EGFL7: variants seen among roughly 807,000 people sequenced by gnomAD.
EGFL7 encodes epidermal growth factor-like protein 7.
A neutral mutation model predicts 37.1 loss-of-function variants in EGFL7; 48 were observed. The ratio of observed to expected loss-of-function variants is 1.29; its 90% CI spans 1.03 to 1.65. The LOEUF (loss-of-function observed/expected upper bound fraction) is 1.65, where lower values mean the gene tolerates loss of function less well. EGFL7 is among the 40% of genes most tolerant of loss of function. The probability of loss-of-function intolerance (pLI) is 0.00; values close to 1 mark genes in which losing one functional copy is unlikely to be tolerated. For missense variants in EGFL7, 384 were observed against 378.9 expected (o/e 1.01, Z -0.11); for synonymous variants, 180 against 156.8 (o/e 1.15, Z -1.10).
At chr9:136,662,126 C>T (rs1053280249), upstream of EGFL7, among the ~76,000 whole-genome samples, 3 of 152,188 alleles carry the variant, frequency 2.0e-5, no homozygotes, top group African/African-American at 7.2e-5. Flanking sequence ...CAGAGCACCC[C>T]CTGTGATCAC....
Position 136,672,593 on chromosome 9 carries a change from T to G in EGFL7, c.*307T>G, listed in dbSNP as rs370147455. 1,289 of 533,802 alleles carry G rather than the reference T, an allele frequency of 2.4e-3. 15 individuals carry two copies. The highest frequency in any genetic ancestry group is 0.023 in the African/African-American group (1,218 of 52,850). 33.1% of individuals were successfully genotyped at this position (533,802 alleles called of 1,614,324 possible). A position where few individuals can be genotyped will look rare whatever the true frequency, so the allele number is the denominator to read the frequency against. On this transcript the variant is annotated 3_prime_UTR_variant, in exon 11 of 11. Coordinates refer to ENST00000308874, the MANE Select transcript of EGFL7 (RefSeq NM_016215.5). ...GCTCCCTGCTGGAGCCTGGGACCCA[T>G]GGCACAGGCCAGGCAGCCCGGAGGC... is the stretch of plus-strand genomic sequence containing the variant.
rs761701977 is a variant in EGFL7 at position 136,668,404 on chromosome 9, C to T, written c.80+42C>T. ...CCTGGGAGTGCTGGGGTGGGGGGACCGGGAGCCCTCAGCACCTCCTAGAGG... is the reference window on the plus strand; with the variant it reads ...CCTGGGAGTGCTGGGGTGGGGGGACTGGGAGCCCTCAGCACCTCCTAGAGG... On this transcript the variant is annotated intron_variant, in intron 4 of 10. Coordinates refer to ENST00000308874, the MANE Select transcript of EGFL7 (RefSeq NM_016215.5). 74 of 1,537,726 alleles carry T rather than the reference C, an allele frequency of 4.8e-5. No individual in the cohort carries two copies. The South Asian group carries it at 4.9e-4, about 10-fold the overall frequency.
intron 3 of EGFL7, among the ~76,000 whole-genome samples, chr9:136,665,560 C>G (rs1845406484): frequency 6.6e-6 from 1 of 152,174 alleles, no homozygotes; most frequent in Non-Finnish European, 1.5e-5. Context: ...GACTCGGGCC[C>G]CAGGATTCCC....
At chr9:136,670,854 T>G in intron 8 of EGFL7, 96 bp from the exon 9 acceptor site, 3 of 1,199,846 alleles carry the variant, frequency 2.5e-6, no homozygotes, top group Non-Finnish European at 3.6e-6. Context: ...TGGGCCTGAG[T>G]CTTCTGGCTC....
chr9:136,667,487 G>C (rs3793658), intron 3 of EGFL7, among the ~76,000 whole-genome samples: 2 of 152,172 alleles, frequency 1.3e-5, no homozygotes, highest in African/African-American at 4.8e-5. Context: ...AGCCTCACCC[G>C]GGCCCCTGGC....
intron 3 of EGFL7, among the ~76,000 whole-genome samples, chr9:136,667,953 C>G (rs899465358): frequency 6.6e-6 from 1 of 152,194 alleles, no homozygotes; most frequent in Non-Finnish European, 1.5e-5. Context: ...CCCGGAGCCT[C>G]GGGCAGATGC....
chr9:136,659,307 A>T (rs1169377385), upstream of EGFL7: 3 of 152,334 alleles, frequency 2.0e-5, no homozygotes, highest in East Asian at 5.8e-4. Flanking sequence ...GGAAGGTTCC[A>T]CCACATCCGT....
In EGFL7 at chr9:136,671,025, G is replaced by GGC. The variant is rs2119148674; in HGVS notation, c.636+12_636+13insCG. The GGC allele has an allele frequency of 1.8e-6, 1 of 566,682 alleles. No homozygotes were observed. The highest frequency in any genetic ancestry group is 2.4e-6 in the Non-Finnish European group (1 of 411,234). The allele number at this position is 566,682 out of a possible 1,614,324, so 35.1% of individuals were successfully genotyped here. On this transcript the variant is annotated intron_variant, in intron 9 of 10. Coordinates refer to ENST00000308874, the MANE Select transcript of EGFL7 (RefSeq NM_016215.5). ...GACCTGCTGGAGGAGGTGAGGCATT[G>GGC]GTGGGGGGGGGGGGGGGCAGGCAGT...
chr9:136,665,104 T>A (rs1418882083), intron 3 of EGFL7, among the ~76,000 whole-genome samples: 4 of 152,328 alleles, frequency 2.6e-5, no homozygotes, highest in Admixed American at 6.5e-5. Flanking sequence ...GGGAGGAGTG[T>A]TCTGCGATGG....
In EGFL7 at chr9:136,668,066, G is replaced by C. The variant is rs373045559; in HGVS notation, c.-42-175G>C. Among the ~76,000 whole-genome samples the C allele has an allele frequency of 5.6e-3, 856 of 152,334 alleles. 4 individuals are homozygous for C. Among genetic ancestry groups the C allele is most frequent in the African/African-American group, 0.019 (809 of 41,576 alleles). ...AGCTGTTTGTGCCTGGCGAGGGTCT[G>C]GCTAGCTGGAAGAGGGGGCCAGCGG... is the stretch of plus-strand genomic sequence containing the variant. On this transcript the variant is annotated intron_variant, in intron 3 of 10. Transcript: ENST00000308874.
chr9:136,670,632 A>T (rs1424556578), intron 8 of EGFL7: 1 of 770,910 alleles, frequency 1.3e-6, no homozygotes, highest in Admixed American at 1.7e-5. Context: ...TACTTTTGGT[A>T]CGCGCTGTGA....
rs1459633290 is a variant in EGFL7 at position 136,666,744 on chromosome 9, T to C, written c.-42-1497T>C. ...AGCCGCCGGGCCGCTGCCCTACCTC[T>C]TCCTTCCCGGGTCCCACTCCCCAAT... On this transcript the variant is annotated intron_variant, in intron 3 of 10. Transcript: ENST00000308874. The surrounding 1 kb of genome is among the most constrained non-coding windows in gnomAD (Gnocchi z 6.8). Among the ~76,000 whole-genome samples, 2 of 151,906 alleles carry C rather than the reference T, an allele frequency of 1.3e-5. No individual in the cohort carries two copies. Among genetic ancestry groups the C allele is most frequent in the African/African-American group, 2.4e-5 (1 of 41,328 alleles).
At position 136,670,165 on chromosome 9, in the gene EGFL7, G is replaced by GT; in HGVS notation, c.410-4_410-3insT. The stretch of plus-strand genomic sequence containing the variant: ...ATGGCCGCCTGACACCCCGTTTCCT[G>GT]CAGATGTGGATGAATGCAGTGCTAG... On this transcript the variant is annotated splice_region_variant and splice_polypyrimidine_tract_variant and intron_variant, in intron 7 of 10. Coordinates refer to ENST00000308874, the MANE Select transcript of EGFL7 (RefSeq NM_016215.5). 2 of 1,612,712 alleles carry GT rather than the reference G, an allele frequency of 1.2e-6. No individual in the cohort carries two copies. Among genetic ancestry groups the GT allele is most frequent in the African/African-American group, 1.3e-5 (1 of 75,032 alleles).
At chr9:136,671,181 TCGGGGGGG>T (rs1845853379) in intron 9 of EGFL7, among the ~76,000 whole-genome samples, 167 bp downstream of exon 9, 1 of 61,700 alleles carries the variant, frequency 1.6e-5, no homozygotes, top group Non-Finnish European at 3.0e-5. Context: ...AGGTGAGGCG[TCGGGGGGG>T]CAGGCAGTCC....
chr9:136,666,294 G>C lies in EGFL7; in HGVS notation c.-43+1509G>C, dbSNP rs966861587. Among the ~76,000 whole-genome samples the C allele has an allele frequency of 4.0e-5, 6 of 151,746 alleles. No individual in the cohort carries two copies. Among genetic ancestry groups the C allele is most frequent in the Non-Finnish European group, 7.4e-5 (5 of 67,852 alleles). Reference sequence around the variant, plus strand: ...TCCCCAGCCCTGCTCCCGCCGCGAGGGGTCCGCCAGTGCCTGCGGCGCAGC... The same window carrying C: ...TCCCCAGCCCTGCTCCCGCCGCGAGCGGTCCGCCAGTGCCTGCGGCGCAGC... On this transcript the variant is annotated intron_variant, in intron 3 of 10. Coordinates refer to ENST00000308874, the MANE Select transcript of EGFL7 (RefSeq NM_016215.5). The surrounding 1 kb of genome is among the most constrained non-coding windows in gnomAD (Gnocchi z 6.8).
upstream of EGFL7, among the ~76,000 whole-genome samples, chr9:136,662,317 G>A (rs908448611): frequency 6.6e-6 from 1 of 152,124 alleles, no homozygotes; most frequent in Non-Finnish European, 1.5e-5. Flanking sequence ...GTCCCCTCCC[G>A]TCACCCCCTC....
rs1305265077 is a variant in EGFL7, at chr9:136,666,495, C to T, written c.-43+1710C>T. On this transcript the variant is annotated intron_variant, in intron 3 of 10. Transcript: ENST00000308874. This position sits in a 1 kb window ranked among gnomAD's most constrained non-coding sequence, Gnocchi z 6.8. The stretch of plus-strand genomic sequence containing the variant: ...CCTGGGTCGAGGCCGTGGCCCCCCC[C>T]GGGGAAATGGGGCTTGCAGCACCGG... 6.6e-6 allele frequency among the ~76,000 whole-genome samples: 1 copy of T among 152,256 alleles called. No individual in the cohort carries two copies. The highest frequency in any genetic ancestry group is 2.1e-4 in the South Asian group (1 of 4,828).
At position 136,668,663 on chromosome 9, in the gene EGFL7, A is replaced by T; in HGVS notation, c.187A>T (p.Ser63Cys). 2 of 1,602,312 alleles carry T rather than the reference A, an allele frequency of 1.2e-6. No homozygotes were observed. The highest frequency in any genetic ancestry group is 1.7e-6 in the Non-Finnish European group (2 of 1,179,440). ...LTTCDGHRAC[S>C]TYRTIYRTAY... is the part of the protein sequence containing the mutation. Reference sequence around the variant, plus strand: ...CACCTGCGACGGGCACCGGGCCTGCAGCACCTACCGGTGAGTGCCCCACCA... The same window carrying T: ...CACCTGCGACGGGCACCGGGCCTGCTGCACCTACCGGTGAGTGCCCCACCA... Residue 63 changes from serine (S) to cysteine (C), a missense_variant, in exon 5 of 11, where the codon AGC becomes TGC. Ser to Cys is a moderately radical substitution (Grantham distance 112). Transcript: ENST00000308874.
intron 6 of EGFL7, 78 bp from the exon 7 acceptor site, chr9:136,669,836 G>A (rs1845725746): frequency 6.9e-7 from 1 of 1,454,752 alleles, no homozygotes; most frequent in Middle Eastern, 2.3e-4. Context: ...TTGCCGCAGA[G>A]CACCCACTCC....
Sources: allele counts gnomAD v4.1 joint callset (sites outside exome capture counted in the v4.1 genomes callset), GRCh38; gene constraint gnomAD v4.1.1; non-coding constraint Gnocchi (gnomAD v3.1); transcripts MANE v1.5; gene names NCBI Gene and HGNC (gene_info 2026-07-23, HGNC 2026-07-21).